The following RBFOX1 variants were observed in gnomAD, a reference collection of about 807,000 sequenced individuals.
RBFOX1 encodes RNA binding protein fox-1 homolog 1.
In RBFOX1, 8 loss-of-function variants were observed where a neutral mutation model predicts 57.7. The ratio of observed to expected loss-of-function variants is 0.14; its 90% CI spans 0.08 to 0.25. The LOEUF (loss-of-function observed/expected upper bound fraction) is 0.25. Among genes scored for constraint, RBFOX1 ranks in the 10% least tolerant of loss-of-function variants. RBFOX1 has a pLI of 1.00. For missense variants in RBFOX1, 611 were observed against 548.5 expected (o/e 1.11, Z -1.14); for synonymous variants, 326 against 222.4 (o/e 1.47, Z -4.15).
At chr16:6,462,407 A>C (rs2094940921) in intron 2 of RBFOX1, among the ~76,000 whole-genome samples, 1 of 152,180 alleles carries the variant, frequency 6.6e-6, no homozygotes, top group Non-Finnish European at 1.5e-5. Flanking sequence ...TATTGTCCAC[A>C]CATGCCAATT....
intron 3 of RBFOX1, among the ~76,000 whole-genome samples, chr16:5,713,113 C>G (rs954480584): frequency 1.3e-5 from 2 of 152,200 alleles, no homozygotes; most frequent in South Asian, 2.1e-4. Context: ...AAACTTTTCT[C>G]TAGTTGAATG....
At chr16:6,486,706 A>T (rs1298563310) in intron 2 of RBFOX1, among the ~76,000 whole-genome samples, 3 of 151,892 alleles carry the variant, frequency 2.0e-5, no homozygotes, top group Admixed American at 6.6e-5. Context: ...GGATCCAAAA[A>T]CTTTGGAGTG....
chr16:7,640,454 C>T (rs545885775), intron 11 of RBFOX1, among the ~76,000 whole-genome samples: 2 of 152,318 alleles, frequency 1.3e-5, no homozygotes, highest in African/African-American at 4.8e-5. Flanking sequence ...GGTGTGCCCC[C>T]AAACATCTTA....
At chr16:6,808,047 C>T (rs1415081759) in intron 3 of RBFOX1, among the ~76,000 whole-genome samples, 1 of 149,954 alleles carries the variant, frequency 6.7e-6, no homozygotes, top group East Asian at 2.0e-4. Flanking sequence ...TGTATATATA[C>T]TATCCTATAC....
intron 1 of RBFOX1, among the ~76,000 whole-genome samples, chr16:6,248,609 C>G (rs2097583519): frequency 6.6e-6 from 1 of 152,068 alleles, no homozygotes; most frequent in Non-Finnish European, 1.5e-5. Context: ...AAACTTCCTC[C>G]AGGGTTTTTA....
chr16:6,701,199 C>T (rs967905404), intron 3 of RBFOX1, among the ~76,000 whole-genome samples: 2 of 152,024 alleles, frequency 1.3e-5, no homozygotes, highest in East Asian at 1.9e-4. Context: ...CCTCCTACCT[C>T]TCTCAGTCAT....
intron 14 of RBFOX1, among the ~76,000 whole-genome samples, chr16:7,708,377 A>C (rs1238238797): frequency 6.6e-6 from 1 of 152,224 alleles, no homozygotes; most frequent in Non-Finnish European, 1.5e-5. Context: ...AGAAAAACAC[A>C]AAGATGAGTA....
intron 2 of RBFOX1, chr16:6,484,029 A>T (rs1423140872): frequency 1.3e-6 from 1 of 795,088 alleles, no homozygotes; most frequent in Non-Finnish European, 1.5e-6. Context: ...GGGCGTTTAG[A>T]GGGATTGGGG....
intron 3 of RBFOX1, among the ~76,000 whole-genome samples, chr16:6,856,838 C>T (rs551952061): frequency 7.2e-4 from 110 of 152,120 alleles, no homozygotes; most frequent in South Asian, 6.2e-3. Context: ...CACTGATTGA[C>T]AGATCCCTTA....
chr16:7,656,551 C>T (rs566279140), intron 12 of RBFOX1, among the ~76,000 whole-genome samples: 33 of 150,992 alleles, frequency 2.2e-4, no homozygotes, highest in Non-Finnish European at 4.3e-4. Flanking sequence ...CAGAAAGTAA[C>T]ATCATCAGGA....
intron 3 of RBFOX1, among the ~76,000 whole-genome samples, chr16:5,720,792 A>G (rs982812369): frequency 3.9e-5 from 6 of 152,244 alleles, no homozygotes; most frequent in South Asian, 2.1e-4. Context: ...ATCTGTATAT[A>G]TAAGTTCTTA....
chr16:6,670,460 C>T lies in RBFOX1; in HGVS notation c.-16+15810C>T, dbSNP rs533452829. ...CATAAGTTGACAAATCTTAATTTTGCCCCATGACTGGAATGTTTTCATAAA... is the reference window on the plus strand; with the variant it reads ...CATAAGTTGACAAATCTTAATTTTGTCCCATGACTGGAATGTTTTCATAAA... On this transcript the variant is annotated intron_variant, in intron 3 of 15. Transcript: ENST00000550418. Among the ~76,000 whole-genome samples, 8 of 152,172 alleles carry T rather than the reference C, an allele frequency of 5.3e-5. No homozygotes were observed. In the South Asian group the frequency reaches 1.5e-3, roughly 28 times the overall value.
chr16:7,391,239 G>C (rs1568584288), intron 4 of RBFOX1, among the ~76,000 whole-genome samples: 1 of 152,258 alleles, frequency 6.6e-6, no homozygotes, highest in African/African-American at 2.4e-5. Context: ...GATTTTCTAG[G>C]CCAGTCTCTT....
chr16:7,620,263 C>T (rs369111419), intron 10 of RBFOX1, among the ~76,000 whole-genome samples: 4 of 152,262 alleles, frequency 2.6e-5, no homozygotes, highest in African/African-American at 9.6e-5. Flanking sequence ...CAGCAATATT[C>T]GATCAAGTAC....
intron 5 of RBFOX1, among the ~76,000 whole-genome samples, chr16:7,541,037 C>A (rs1270174475): frequency 6.6e-6 from 1 of 152,168 alleles, no homozygotes; most frequent in Non-Finnish European, 1.5e-5. Flanking sequence ...GCCCAAGACC[C>A]AGAATGTTTC....
intron 2 of RBFOX1, among the ~76,000 whole-genome samples, chr16:6,343,778 C>A (rs929137901): frequency 6.6e-6 from 1 of 152,160 alleles, no homozygotes; most frequent in Non-Finnish European, 1.5e-5. Context: ...CTTTCTCAGT[C>A]ATTTTGGGGG....
intron 5 of RBFOX1, among the ~76,000 whole-genome samples, chr16:7,537,089 A>G (rs1033896498): frequency 6.6e-6 from 1 of 152,224 alleles, no homozygotes; most frequent in African/African-American, 2.4e-5. Context: ...AAAGAATCCC[A>G]TCATTAGGTT....
At position 5,784,678 on chromosome 16, in the gene RBFOX1, C is replaced by A. The variant is rs79455690; in HGVS notation, c.319-82625C>A. On this transcript the variant is annotated intron_variant, in intron 3 of 19. Coordinates refer to the RBFOX1 transcript ENST00000641259. The stretch of plus-strand genomic sequence containing the variant: ...ATGAGATTTGGGTGACGACACAGAT[C>A]GAAATCATGTCAGTAAGGCCTTTCA... 5.9e-5 allele frequency among the ~76,000 whole-genome samples: 9 copies of A among 152,262 alleles called. No individual in the cohort carries two copies. In the South Asian group the frequency reaches 1.9e-3, roughly 32 times the overall value.
intron 4 of RBFOX1, among the ~76,000 whole-genome samples, chr16:7,155,267 C>T (rs985297046): frequency 6.6e-6 from 1 of 151,950 alleles, no homozygotes; most frequent in Non-Finnish European, 1.5e-5. Context: ...CTTTAGAGTT[C>T]CAGAATAGCA....
Sources: allele counts gnomAD v4.1 joint callset (sites outside exome capture counted in the v4.1 genomes callset), GRCh38; gene constraint gnomAD v4.1.1; transcripts MANE v1.5; gene names NCBI Gene and HGNC (gene_info 2026-07-23, HGNC 2026-07-21).